VAMP5: variants seen among roughly 807,000 people sequenced by gnomAD.
VAMP5 encodes vesicle associated membrane protein 5.
Under a neutral mutation model 8.1 loss-of-function variants are expected in VAMP5, and 10 were observed. That is an observed-to-expected ratio of 1.23 (90% CI 0.76 to 2.09). The LOEUF (loss-of-function observed/expected upper bound fraction) is 2.09. Ranked by LOEUF, VAMP5 falls within the 30% of genes most tolerant of loss-of-function variation. The pLI is 0.00. For synonymous variants in VAMP5, 62 were observed against 60.6 expected, an observed-to-expected ratio of 1.02 and a Z score of -0.11; for missense variants, 135 against 152.5, an observed-to-expected ratio of 0.89 and a Z score of 0.60.
At chr2:85,587,790 G>A (rs913241816) in intron 1 of VAMP5, among the ~76,000 whole-genome samples, 1 of 152,200 alleles carries the variant, frequency 6.6e-6, no homozygotes, top group African/African-American at 2.4e-5. Flanking sequence ...CTCAGCTGGT[G>A]AGTGGCAGAA....
chr2:85,591,656 T>G, intron 1 of VAMP5, 69 bp from the exon 2 acceptor site: 1 of 1,605,848 alleles, frequency 6.2e-7, no homozygotes, highest in Non-Finnish European at 8.5e-7. Context: ...AGGAGGCTTC[T>G]AGATCTCAGG....
intron 1 of VAMP5, among the ~76,000 whole-genome samples, chr2:85,587,885 C>A (rs1319534317): frequency 6.6e-6 from 1 of 152,284 alleles, no homozygotes; most frequent in African/African-American, 2.4e-5. Context: ...AATGTTATAC[C>A]GGTACTTGCG....
intron 1 of VAMP5, among the ~76,000 whole-genome samples, chr2:85,585,595 G>C (rs1672450270): frequency 1.3e-5 from 2 of 152,218 alleles, no homozygotes; most frequent in Admixed American, 1.3e-4. Context: ...CAGGGGTAGG[G>C]GTGGGCTTCA....
chr2:85,586,077 G>A (rs1573349127), intron 1 of VAMP5, among the ~76,000 whole-genome samples: 1 of 152,184 alleles, frequency 6.6e-6, no homozygotes, highest in Admixed American at 6.5e-5. Context: ...TCCCTCATAT[G>A]CACACAAATT....
intron 1 of VAMP5, among the ~76,000 whole-genome samples, chr2:85,588,103 C>T (rs1181325407): frequency 6.6e-6 from 1 of 152,152 alleles, no homozygotes; most frequent in Non-Finnish European, 1.5e-5. Context: ...AATTCTCCTG[C>T]CTCAGCCTCC....
chr2:85,584,529 G>A (rs1356497181), intron 1 of VAMP5, 36 bp downstream of exon 1: 5 of 1,237,060 alleles, frequency 4.0e-6, no homozygotes, highest in South Asian at 7.5e-5. Flanking sequence ...GCCCTGCGAC[G>A]GGCAGAGGGC....
chr2:85,590,866 T>C (rs1257409181), intron 1 of VAMP5, among the ~76,000 whole-genome samples: 1 of 152,248 alleles, frequency 6.6e-6, no homozygotes, highest in Non-Finnish European at 1.5e-5. Context: ...TTCTTGCACA[T>C]GACCCAGACT....
intron 1 of VAMP5, 30 bp from the exon 2 acceptor site, chr2:85,591,695 T>A (rs895414801): frequency 6.2e-7 from 1 of 1,613,564 alleles, no homozygotes; most frequent in African/African-American, 1.3e-5. Context: ...GGGGGCCTCA[T>A]GCAGCCCTGA....
Position 85,589,605 on chromosome 2 carries a change from C to T in VAMP5, c.4-2120C>T, listed in dbSNP as rs184623062. ...AGTCTCTAGCAGTGACTCTTATTTTCGAGTATTTATCCATTCTCAAGTTTT... is the reference window on the plus strand; with the variant it reads ...AGTCTCTAGCAGTGACTCTTATTTTTGAGTATTTATCCATTCTCAAGTTTT... On this transcript the variant is annotated intron_variant, in intron 1 of 2. Transcript: ENST00000306384. Among the ~76,000 whole-genome samples, 216 of 152,266 alleles carry T rather than the reference C, an allele frequency of 1.4e-3. 2 individuals carry two copies. In the Middle Eastern group the frequency reaches 0.02, roughly 14 times the overall value.
At position 85,584,442 on chromosome 2, in the gene VAMP5, T is replaced by C. The variant is rs2104040932; in HGVS notation, c.-49T>C. On this transcript the variant is annotated 5_prime_UTR_variant, in exon 1 of 3. Coordinates refer to ENST00000306384, the MANE Select transcript of VAMP5 (RefSeq NM_006634.3). ...CCGGGGCCGCTGGCACTGCGGCCGCTCCGCAGGCAGAGAAGCCGGGAGCGG... is the reference window on the plus strand; with the variant it reads ...CCGGGGCCGCTGGCACTGCGGCCGCCCCGCAGGCAGAGAAGCCGGGAGCGG... 1 of 1,243,362 alleles carries C rather than the reference T, an allele frequency of 8.0e-7. No individual in the cohort carries two copies. Among genetic ancestry groups the C allele is most frequent in the Admixed American group, 4.1e-5 (1 of 24,182 alleles). 77.0% of individuals were successfully genotyped at this position (1,243,362 alleles called of 1,614,324 possible). A position where few individuals can be genotyped will look rare whatever the true frequency, so the allele number is the denominator to read the frequency against.
chr2:85,592,140 G>A lies in VAMP5; in HGVS notation c.141+278G>A, dbSNP rs60185759. Among the ~76,000 whole-genome samples, 936 of 152,190 alleles carry A rather than the reference G, an allele frequency of 6.2e-3. 10 individuals are homozygous for A. Among genetic ancestry groups the A allele is most frequent in the African/African-American group, 0.022 (893 of 41,524 alleles). ...CTTTGAGACAGAGTCTCACTCTGTCGCCCAGGCTAGTACAGTGGCACAATC... is the reference window on the plus strand; with the variant it reads ...CTTTGAGACAGAGTCTCACTCTGTCACCCAGGCTAGTACAGTGGCACAATC... On this transcript the variant is annotated intron_variant, in intron 2 of 2. Transcript: ENST00000306384.
In VAMP5 at chr2:85,593,075, T is replaced by G. The variant is rs756363540; in HGVS notation, c.269T>G (p.Val90Gly). Residue 90 changes from valine to glycine, a missense_variant, in exon 3 of 3, where the codon GTC (valine) becomes GGC (glycine). Coordinates refer to ENST00000306384, the MANE Select transcript of VAMP5 (RefSeq NM_006634.3). ...CTCATCATCCTGATTGTGCTGCTGG[T>G]CGTCTTTCTCCCTCAGAGCAGTGAC... ...VLLIILIVLLVVFLPQSSDSS... is the reference protein window; with the variant it reads ...VLLIILIVLLGVFLPQSSDSS... 3 of 1,614,124 alleles carry G rather than the reference T, an allele frequency of 1.9e-6. No individual in the cohort carries two copies. In the Admixed American group the frequency reaches 5.0e-5, roughly 27 times the overall value.
At position 85,593,142 on chromosome 2, in the gene VAMP5, A is replaced by G; in HGVS notation, c.336A>G (p.Ser112=). Residue 112 remains serine, a synonymous_variant, in exon 3 of 3, where the codon TCA becomes TCG. Transcript: ENST00000306384. ...APRTQDAGIA[S]GPGN Reference sequence around the variant, plus strand: ...GGACCCAGGATGCAGGCATTGCCTCAGGGCCTGGGAACTGACCCAGCTGGT... The same window carrying G: ...GGACCCAGGATGCAGGCATTGCCTCGGGGCCTGGGAACTGACCCAGCTGGT... 6.2e-7 allele frequency: 1 copy of G among 1,614,198 alleles called. No homozygotes were observed. The highest frequency in any genetic ancestry group is 1.1e-5 in the South Asian group (1 of 91,082).
intron 1 of VAMP5, among the ~76,000 whole-genome samples, chr2:85,590,090 G>C (rs922949946): frequency 6.6e-6 from 1 of 152,094 alleles, no homozygotes; most frequent in Non-Finnish European, 1.5e-5. Flanking sequence ...TGCTCTCTTC[G>C]TTGTTCCTCT....
At chr2:85,592,813 A>G (rs1429665065) in intron 2 of VAMP5, 135 bp from the exon 3 acceptor site, 37 of 832,064 alleles carry the variant, frequency 4.4e-5, no homozygotes, top group African/African-American at 5.3e-5. Context: ...AAAAAAAAAA[A>G]AAAGAAAGAA....
chr2:85,592,800 CAAAA>C (rs375145374), intron 2 of VAMP5, 144 bp from the exon 3 acceptor site: 214 of 512,838 alleles, frequency 4.2e-4, no homozygotes, highest in East Asian at 5.5e-4. Context: ...GACTCCTTCT[CAAAA>C]AAAAAAAAAA....
intron 1 of VAMP5, among the ~76,000 whole-genome samples, chr2:85,589,445 G>C (rs1263361881): frequency 6.6e-6 from 1 of 152,148 alleles, no homozygotes; most frequent in African/African-American, 2.4e-5. Context: ...GGGGAGACTG[G>C]TCCAGATTAC....
intron 1 of VAMP5, among the ~76,000 whole-genome samples, chr2:85,587,872 G>A (rs764971771): frequency 2.6e-5 from 4 of 152,196 alleles, no homozygotes; most frequent in Non-Finnish European, 5.9e-5. Flanking sequence ...GACTTAGGGA[G>A]GCAATGTTAT....
chr2:85,585,590 G>A (rs1164173245), intron 1 of VAMP5, among the ~76,000 whole-genome samples: 1 of 152,214 alleles, frequency 6.6e-6, no homozygotes. Flanking sequence ...TCAGGCAGGG[G>A]TAGGGGTGGG....
Sources: gnomAD v4.1 joint callset for allele counts (sites outside exome capture counted in the v4.1 genomes callset) on GRCh38, gnomAD v4.1.1 for gene constraint, MANE v1.5 for transcripts, NCBI Gene and HGNC (gene_info 2026-07-23, HGNC 2026-07-21) for gene names.